Variants in GALNT18 observed in about 807,000 individuals in gnomAD.
The protein encoded by GALNT18 is GalNAc-transferase 18.
Under a neutral mutation model 69.5 loss-of-function variants are expected in GALNT18, and 44 were observed. The ratio of observed to expected loss-of-function variants is 0.63; its 90% CI spans 0.50 to 0.81. The LOEUF (loss-of-function observed/expected upper bound fraction) is 0.81. Ranked by LOEUF, GALNT18 falls within the 40% of genes least tolerant of loss-of-function variation. The pLI is 0.00. For missense variants in GALNT18, 715 were observed against 810.0 expected (o/e 0.88, Z 1.42); for synonymous variants, 364 against 318.2 (o/e 1.14, Z -1.53).
intron 3 of GALNT18, among the ~76,000 whole-genome samples, chr11:11,406,931 A>C (rs1413561594): frequency 6.6e-6 from 1 of 152,070 alleles, no homozygotes; most frequent in Admixed American, 6.5e-5. Context: ...TGAGGCCAGG[A>C]GGAATATTAT....
rs1352678018 is a variant in GALNT18 at position 11,540,377 on chromosome 11, C to T, written c.235+80982G>A. Among the ~76,000 whole-genome samples, 1 of 152,056 alleles carries T rather than the reference C, an allele frequency of 6.6e-6. No homozygotes were observed. Among genetic ancestry groups the T allele is most frequent in the Non-Finnish European group, 1.5e-5 (1 of 68,020 alleles). ...GCTAGGACAAGAGCATGCCAAGAGC[C>T]CTGGGTGGTTTGGGTTTGTTTTGTC... On this transcript the variant is annotated intron_variant, in intron 1 of 10. Coordinates refer to ENST00000227756, the MANE Select transcript of GALNT18 (RefSeq NM_198516.3). The surrounding 1 kb of genome is among the most constrained non-coding windows in gnomAD (Gnocchi z 4.6).
intron 1 of GALNT18, among the ~76,000 whole-genome samples, chr11:11,534,209 T>A (rs896528269): frequency 6.6e-6 from 1 of 152,122 alleles, no homozygotes; most frequent in African/African-American, 2.4e-5. Context: ...CCACAGCTGG[T>A]CAGAACTAAC....
chr11:11,385,306 T>TC (rs1854023482), intron 3 of GALNT18, among the ~76,000 whole-genome samples: 1 of 151,538 alleles, frequency 6.6e-6, no homozygotes, highest in Admixed American at 6.6e-5. Flanking sequence ...AAATTTTTTT[T>TC]TTTTTTTGAG....
At chr11:11,423,460 C>T (rs1855058756) in intron 3 of GALNT18, among the ~76,000 whole-genome samples, 1 of 152,212 alleles carries the variant, frequency 6.6e-6, no homozygotes, top group African/African-American at 2.4e-5. Flanking sequence ...TGGCTGCCAA[C>T]TGTTCAATTA....
chr11:11,511,433 C>T lies in GALNT18; in HGVS notation c.236-62497G>A, dbSNP rs531364751. Among the ~76,000 whole-genome samples, 21 of 152,242 alleles carry T rather than the reference C, an allele frequency of 1.4e-4. No individual in the cohort carries two copies. The highest frequency in any genetic ancestry group is 3.3e-4 in the Admixed American group (5 of 15,302). Reference sequence around the variant, plus strand: ...AGCCAGTCCCCTACAGCTAACAGAGCGACCCCATACATGTGATCCCCAGAA... The same window carrying T: ...AGCCAGTCCCCTACAGCTAACAGAGTGACCCCATACATGTGATCCCCAGAA... On this transcript the variant is annotated intron_variant, in intron 1 of 10. Coordinates refer to ENST00000227756, the MANE Select transcript of GALNT18 (RefSeq NM_198516.3). This position sits in a 1 kb window ranked among gnomAD's most constrained non-coding sequence, Gnocchi z 4.9.
rs2133835686 is a variant in GALNT18 at position 11,459,063 on chromosome 11, T to G, written c.236-10127A>C. 6.6e-6 allele frequency among the ~76,000 whole-genome samples: 1 copy of G among 152,322 alleles called. No individual in the cohort carries two copies. The highest frequency in any genetic ancestry group is 2.4e-5 in the African/African-American group (1 of 41,582). On this transcript the variant is annotated intron_variant, in intron 1 of 10. Transcript: ENST00000227756. This position sits in a 1 kb window ranked among gnomAD's most constrained non-coding sequence, Gnocchi z 5.0. ...ATCCAGCAAAGCAAGATGTTATGCC[T>G]CTGCTTGTGATTAGGCTCCCAAAGG... is the stretch of plus-strand genomic sequence containing the variant.
chr11:11,610,400 G>A (rs1419320136), intron 1 of GALNT18, among the ~76,000 whole-genome samples: 1 of 152,180 alleles, frequency 6.6e-6, no homozygotes, highest in Non-Finnish European at 1.5e-5. Context: ...CCATCCCACA[G>A]GCCTGCTTAT....
intron 10 of GALNT18, among the ~76,000 whole-genome samples, chr11:11,281,842 A>G (rs1168309472): frequency 6.6e-6 from 1 of 151,598 alleles, no homozygotes; most frequent in Non-Finnish European, 1.5e-5. Flanking sequence ...ATGGGACACA[A>G]CCTCCGTGAG....
At position 11,402,448 on chromosome 11, in the gene GALNT18, G is replaced by T. The variant is rs1283688344; in HGVS notation, c.596-23184C>A. Among the ~76,000 whole-genome samples, 2 of 152,222 alleles carry T rather than the reference G, an allele frequency of 1.3e-5. No individual in the cohort carries two copies. The highest frequency in any genetic ancestry group is 2.4e-5 in the African/African-American group (1 of 41,456). ...GCTTTGATGGTGGGTGGCTTCCTCTGATCTGCTGCCATGCTGGGCAGAACT... is the reference window on the plus strand; with the variant it reads ...GCTTTGATGGTGGGTGGCTTCCTCTTATCTGCTGCCATGCTGGGCAGAACT... On this transcript the variant is annotated intron_variant, in intron 3 of 10. Transcript: ENST00000227756. This position sits in a 1 kb window ranked among gnomAD's most constrained non-coding sequence, Gnocchi z 4.0.
rs7483226 is a variant in GALNT18 at position 11,469,379 on chromosome 11, T to C, written c.236-20443A>G. ...GCTTCACAGCAATAGACAGTCCTCG[T>C]CAAGTTTGTTGTTATGGCTATGTCT... is the stretch of plus-strand genomic sequence containing the variant. On this transcript the variant is annotated intron_variant, in intron 1 of 10. Coordinates refer to ENST00000227756, the MANE Select transcript of GALNT18 (RefSeq NM_198516.3). This position sits in a 1 kb window ranked among gnomAD's most constrained non-coding sequence, Gnocchi z 4.2. Among the ~76,000 whole-genome samples the C allele has an allele frequency of 6.6e-5, 10 of 152,138 alleles. No individual in the cohort carries two copies. Among genetic ancestry groups the C allele is most frequent in the African/African-American group, 2.4e-4 (10 of 41,428 alleles).
At position 11,614,148 on chromosome 11, in the gene GALNT18, A is replaced by G. The variant is rs181427956; in HGVS notation, c.235+7211T>C. On this transcript the variant is annotated intron_variant, in intron 1 of 10. Coordinates refer to ENST00000227756, the MANE Select transcript of GALNT18 (RefSeq NM_198516.3). This position sits in a 1 kb window ranked among gnomAD's most constrained non-coding sequence, Gnocchi z 5.6. ...TTGTATTAGTCCATTTTGCATTGCT[A>G]TAAAGGAGTACCTGAGGCTTGGTAA... 1.9e-3 allele frequency among the ~76,000 whole-genome samples: 285 copies of G among 152,290 alleles called. 2 individuals are homozygous for G. The highest frequency in any genetic ancestry group is 6.6e-3 in the African/African-American group (274 of 41,562).
At position 11,396,065 on chromosome 11, in the gene GALNT18, A is replaced by T. The variant is rs897690710; in HGVS notation, c.596-16801T>A. On this transcript the variant is annotated intron_variant, in intron 3 of 10. Transcript: ENST00000227756. This position sits in a 1 kb window ranked among gnomAD's most constrained non-coding sequence, Gnocchi z 5.2. ...TACAGCTGAGCCTTACCCAGCAACA[A>T]CCACTTCCCTCTGTTGCTGATCCCC... is the stretch of plus-strand genomic sequence containing the variant. Among the ~76,000 whole-genome samples the T allele has an allele frequency of 2.6e-5, 4 of 152,146 alleles. No homozygotes were observed. The highest frequency in any genetic ancestry group is 9.7e-5 in the African/African-American group (4 of 41,432).
rs1859724785 is a variant in GALNT18 at position 11,605,356 on chromosome 11, C to G, written c.235+16003G>C. ...ACCCTCTTCTGATCTCCGGGTTGCC[C>G]TCTCTCAGCTCCCTCTCCTCACTGC... On this transcript the variant is annotated intron_variant, in intron 1 of 10. Transcript: ENST00000227756. This position sits in a 1 kb window ranked among gnomAD's most constrained non-coding sequence, Gnocchi z 4.7. 6.6e-6 allele frequency among the ~76,000 whole-genome samples: 1 copy of G among 152,142 alleles called. No homozygotes were observed. The highest frequency in any genetic ancestry group is 2.4e-5 in the African/African-American group (1 of 41,448).
chr11:11,461,288 G>A lies in GALNT18; in HGVS notation c.236-12352C>T, dbSNP rs1241176376. 6.6e-6 allele frequency among the ~76,000 whole-genome samples: 1 copy of A among 152,154 alleles called. No individual in the cohort carries two copies. Among genetic ancestry groups the A allele is most frequent in the Non-Finnish European group, 1.5e-5 (1 of 68,024 alleles). ...GGCTGGTGCAGGTAGGAGCAGCAGGGCTCAGCATGTGCACACACACTCACA... is the reference window on the plus strand; with the variant it reads ...GGCTGGTGCAGGTAGGAGCAGCAGGACTCAGCATGTGCACACACACTCACA... On this transcript the variant is annotated intron_variant, in intron 1 of 10. Coordinates refer to ENST00000227756, the MANE Select transcript of GALNT18 (RefSeq NM_198516.3). The surrounding 1 kb of genome is among the most constrained non-coding windows in gnomAD (Gnocchi z 4.1).
intron 1 of GALNT18, among the ~76,000 whole-genome samples, chr11:11,474,782 G>T (rs918136054): frequency 1.1e-4 from 17 of 152,188 alleles, no homozygotes; most frequent in Non-Finnish European, 2.1e-4. Flanking sequence ...CATGGGAAGA[G>T]TTGCTGCAGT....
intron 1 of GALNT18, among the ~76,000 whole-genome samples, chr11:11,570,443 C>T (rs567652879): frequency 5.9e-5 from 9 of 152,364 alleles, no homozygotes; most frequent in South Asian, 2.1e-4. Context: ...CTCATCCGGC[C>T]GTCCGGCCCC....
At chr11:11,321,549 T>G (rs1849839690) in intron 9 of GALNT18, among the ~76,000 whole-genome samples, 2 of 152,220 alleles carry the variant, frequency 1.3e-5, no homozygotes, top group Admixed American at 6.5e-5. Context: ...CTAACTCCCT[T>G]ACATTTTTGG....
At position 11,620,920 on chromosome 11, in the gene GALNT18, G is replaced by A. The variant is rs1860177127; in HGVS notation, c.235+439C>T. Among the ~76,000 whole-genome samples the A allele has an allele frequency of 2.0e-5, 3 of 152,140 alleles. No homozygotes were observed. Among genetic ancestry groups the A allele is most frequent in the Admixed American group, 1.3e-4 (2 of 15,284 alleles). On this transcript the variant is annotated intron_variant, in intron 1 of 10. Coordinates refer to ENST00000227756, the MANE Select transcript of GALNT18 (RefSeq NM_198516.3). The surrounding 1 kb of genome is among the most constrained non-coding windows in gnomAD (Gnocchi z 6.9). ...CTGCCAATAGTCAGGGCCGCCGCGC[G>A]GGCATCTCGCCTGACGCCTACAGTG...
At chr11:11,553,055 C>A (rs1858239163) in intron 1 of GALNT18, among the ~76,000 whole-genome samples, 1 of 152,148 alleles carries the variant, frequency 6.6e-6, no homozygotes, top group Non-Finnish European at 1.5e-5. Flanking sequence ...TCACCCAGGA[C>A]CAACAGAATT....
Sources: allele counts gnomAD v4.1 joint callset (sites outside exome capture counted in the v4.1 genomes callset), GRCh38; gene constraint gnomAD v4.1.1; non-coding constraint Gnocchi (gnomAD v3.1); transcripts MANE v1.5; gene names NCBI Gene and HGNC (gene_info 2026-07-23, HGNC 2026-07-21).